The following DNAH17 variants were observed in gnomAD, a reference collection of about 807,000 sequenced individuals.
DNAH17 encodes axonemal beta dynein heavy chain 17.
DNAH17 carries 376 observed loss-of-function variants against 485.6 expected under a neutral mutation model. That is an observed-to-expected ratio of 0.77 (90% CI 0.71 to 0.84). DNAH17 has a LOEUF of 0.84. Ranked by LOEUF, DNAH17 falls within the 40% of genes least tolerant of loss-of-function variation. The probability of loss-of-function intolerance (pLI) is 0.00; values close to 1 mark genes in which losing one functional copy is unlikely to be tolerated. For synonymous variants in DNAH17, 3,031 were observed against 2,405.9 expected (o/e 1.26, Z -7.60); for missense variants, 6,370 against 5,839.3 (o/e 1.09, Z -2.96).
chr17:78,434,242 CAGGTATT>C, intron 74 of DNAH17, 22 bp from the exon 75 acceptor site: 1 of 1,590,750 alleles, frequency 6.3e-7, no homozygotes, highest in Non-Finnish European at 8.6e-7. Flanking sequence ...ACGCTCCGGT[CAGGTATT>C]AGGGAGAGGG....
Position 78,492,700 on chromosome 17 carries a change from G to T in DNAH17, c.6474C>A (p.Asp2158Glu). 3 of 1,613,384 alleles carry T rather than the reference G, an allele frequency of 1.9e-6. No individual in the cohort carries two copies. Among genetic ancestry groups the T allele is most frequent in the Non-Finnish European group, 2.5e-6 (3 of 1,179,726 alleles). Residue 2158 changes from aspartate to glutamate, a missense_variant, in exon 42 of 81, where the codon GAC becomes GAA. By Grantham distance (45) the Asp-to-Glu change is conservative (BLOSUM62 2). Coordinates refer to ENST00000389840, the MANE Select transcript of DNAH17 (RefSeq NM_173628.4). ...GCTCGTCGCAGGTGACGGCCTTGGGGTCCAGGTCCACGGCGACCGGCTTCC... is the reference window on the plus strand; with the variant it reads ...GCTCGTCGCAGGTGACGGCCTTGGGTTCCAGGTCCACGGCGACCGGCTTCC... ...LKRKPVAVDL[D>E]PKAVTCDELF...
chr17:78,437,801 C>T lies in DNAH17; in HGVS notation c.11873G>A (p.Ser3958Asn), dbSNP rs1396016092. 4.3e-6 allele frequency: 7 copies of T among 1,612,432 alleles called. No individual in the cohort carries two copies. The highest frequency in any genetic ancestry group is 1.1e-5 in the South Asian group (1 of 91,080). ...GATGAACACCCGGTAGTCCTCATGG[C>T]TGCCCGTGCTGTAGTGCTCCAGCTT... ...DKKLEHYSTGSHEDYRVFISA... is the reference protein window; with the variant it reads ...DKKLEHYSTGNHEDYRVFISA... The change falls in exon 74 of 81, where the codon AGC becomes AAC. Residue 3958 changes from serine to asparagine, a missense_variant. Coordinates refer to ENST00000389840, the MANE Select transcript of DNAH17 (RefSeq NM_173628.4).
Position 78,439,247 on chromosome 17 carries a change from C to G in DNAH17, c.11678-30G>C, listed in dbSNP as rs1483567778. 3 of 1,589,034 alleles carry G rather than the reference C, an allele frequency of 1.9e-6. No individual in the cohort carries two copies. The East Asian group carries it at 6.8e-5, about 36-fold the overall frequency. On this transcript the variant is annotated intron_variant, in intron 72 of 80. Transcript: ENST00000389840. ...AGAAAAGAAAAACAGGAAAAAAACA[C>G]CACGTAATTAAATGACACAGGTTCA...
chr17:78,539,169 G>A (rs1410317831), intron 18 of DNAH17, among the ~76,000 whole-genome samples: 1 of 152,152 alleles, frequency 6.6e-6, no homozygotes, highest in Non-Finnish European at 1.5e-5. Context: ...GGTGGAGTTT[G>A]CAGTGAGCTG....
chr17:78,549,155 G>A (rs897849376), intron 16 of DNAH17, among the ~76,000 whole-genome samples: 1 of 152,242 alleles, frequency 6.6e-6, no homozygotes, highest in African/African-American at 2.4e-5. Context: ...TAGCTCCTGT[G>A]TGGTTGTAAT....
intron 48 of DNAH17, among the ~76,000 whole-genome samples, chr17:78,481,744 G>T (rs563268392): frequency 1.2e-4 from 19 of 152,214 alleles, no homozygotes; most frequent in African/African-American, 4.6e-4. Context: ...GCCAGGCACA[G>T]TGGCTCATGC....
intron 75 of DNAH17, among the ~76,000 whole-genome samples, chr17:78,430,640 G>T (rs1382727356): frequency 1.3e-5 from 2 of 152,178 alleles, no homozygotes; most frequent in African/African-American, 4.8e-5. Context: ...GAGTGCAATG[G>T]TGCAGTCTCT....
At position 78,552,696 on chromosome 17, in the gene DNAH17, C is replaced by G. The variant is rs372493829; in HGVS notation, c.2287+1G>C. ...ATGTGGGAGGAATGTGGCCTCCGTA[C>G]CTTCGCCATTCCAGAATAATGTCGT... On this transcript the variant is annotated splice_donor_variant, in intron 15 of 80. Transcript: ENST00000389840. LOFTEE classifies it high-confidence loss of function. The G allele has an allele frequency of 6.2e-7, 1 of 1,612,060 alleles. No homozygotes were observed. The highest frequency in any genetic ancestry group is 1.3e-5 in the African/African-American group (1 of 74,874).
In DNAH17 at chr17:78,492,812, C is replaced by T. The variant is rs115013583; in HGVS notation, c.6409-47G>A. ...CACGTGTGACTCCATGTTCCTGGCA[C>T]ATCCTGCCCCACTAGCCTCAGGACC... On this transcript the variant is annotated intron_variant, in intron 41 of 80. Transcript: ENST00000389840. 0.013 allele frequency: 19,807 copies of T among 1,566,424 alleles called. 990 individuals carry two copies. In the Admixed American group the frequency reaches 0.13, roughly 11 times the overall value.
rs73380054 is a variant in DNAH17 at position 78,460,129 on chromosome 17, C to T, written c.9435+33G>A. The T allele has an allele frequency of 2.8e-3, 4,366 of 1,583,056 alleles. 99 individuals carry two copies. In the African/African-American group the frequency reaches 0.051, roughly 18 times the overall value. The stretch of plus-strand genomic sequence containing the variant: ...GAAGGCAGCTTCCTCTCCAACCAGG[C>T]CAGGGGTCCCCTTTCTTTCCCTCCC... On this transcript the variant is annotated intron_variant, in intron 59 of 80. Coordinates refer to ENST00000389840, the MANE Select transcript of DNAH17 (RefSeq NM_173628.4).
intron 48 of DNAH17, among the ~76,000 whole-genome samples, chr17:78,481,251 C>T (rs1468579907): frequency 2.0e-5 from 3 of 150,172 alleles, no homozygotes; most frequent in Admixed American, 6.7e-5. Flanking sequence ...TACAGGTGCC[C>T]GCCACCATGC....
At chr17:78,509,957 G>A (rs1029396556) in intron 27 of DNAH17, among the ~76,000 whole-genome samples, 9 of 152,170 alleles carry the variant, frequency 5.9e-5, no homozygotes, top group South Asian at 2.1e-4. Context: ...TGAGGCGAGC[G>A]GGTCAGTTGA....
At chr17:78,474,788 ACT>A (rs2088929713) in intron 54 of DNAH17, among the ~76,000 whole-genome samples, 2 of 129,940 alleles carry the variant, frequency 1.5e-5, no homozygotes, top group African/African-American at 6.5e-5. Flanking sequence ...AGGGTTTCAC[ACT>A]CTTCACCTCA....
chr17:78,541,540 C>T (rs1053273268), intron 17 of DNAH17, among the ~76,000 whole-genome samples: 9 of 151,880 alleles, frequency 5.9e-5, no homozygotes, highest in African/African-American at 1.2e-4. Context: ...ATAACTTCAG[C>T]ATAAGATAAA....
intron 36 of DNAH17, 83 bp downstream of exon 36, chr17:78,500,222 G>C (rs1296971862): frequency 7.0e-7 from 1 of 1,430,002 alleles, no homozygotes; most frequent in African/African-American, 1.4e-5. Context: ...GGAGTTTACT[G>C]TGGGGCCTCG....
rs1213084019 is a variant in DNAH17 at position 78,507,745 on chromosome 17, G to A, written c.4297C>T (p.Arg1433Trp). Residue 1433 changes from arginine to tryptophan, a missense_variant, in exon 28 of 81, where the codon CGG becomes TGG. Transcript: ENST00000389840. ...MMEFQHEPHP[R>W]TGTMMLKSSE... ...GACTTGAGCATCATGGTGCCTGTCC[G>A]CGGGTGCGGCTCGTGCTGGAATTCC... The A allele has an allele frequency of 3.7e-6, 6 of 1,600,764 alleles. No individual in the cohort carries two copies. Among genetic ancestry groups the A allele is most frequent in the African/African-American group, 1.3e-5 (1 of 74,890 alleles).
rs1180119403 is a variant in DNAH17, at chr17:78,530,922, C to CCCA, written c.3115-411_3115-410insTGG. On this transcript the variant is annotated intron_variant, in intron 20 of 80. Transcript: ENST00000389840. ...ACAGAATGTACCCCTGGGCATGGGTCACCCTTGCCCACGGGGCCCTCTTTC... is the reference window on the plus strand; with the variant it reads ...ACAGAATGTACCCCTGGGCATGGGTCCCAACCCTTGCCCACGGGGCCCTCTTTC... 7.9e-5 allele frequency among the ~76,000 whole-genome samples: 12 copies of CCCA among 152,326 alleles called. No homozygotes were observed. The East Asian group carries it at 2.3e-3, about 29-fold the overall frequency.
At chr17:78,568,881 C>T (rs917527071) in intron 9 of DNAH17, among the ~76,000 whole-genome samples, 5 of 152,288 alleles carry the variant, frequency 3.3e-5, no homozygotes, top group African/African-American at 7.2e-5. Context: ...GGCCCCCAGG[C>T]GTCCTGAACG....
At position 78,454,662 on chromosome 17, in the gene DNAH17, A is replaced by C; in HGVS notation, c.10214T>G (p.Leu3405Arg). The change falls in exon 64 of 81, where the codon CTG becomes CGG. Residue 3405 changes from leucine (L) to arginine (R), a missense_variant. Coordinates refer to ENST00000389840, the MANE Select transcript of DNAH17 (RefSeq NM_173628.4). Reference sequence around the variant, plus strand: ...GGTGGCCACGTCCGCGTCATCTGTCAGCAGGCTCAAGGGATCCAGGCCATT... The same window carrying C: ...GGTGGCCACGTCCGCGTCATCTGTCCGCAGGCTCAAGGGATCCAGGCCATT... ...ITNGLDPLSL[L>R]TDDADVATWN... 3 of 1,613,014 alleles carry C rather than the reference A, an allele frequency of 1.9e-6. No homozygotes were observed. The highest frequency in any genetic ancestry group is 2.5e-6 in the Non-Finnish European group (3 of 1,179,862).
Sources: gnomAD v4.1 joint callset for allele counts (sites outside exome capture counted in the v4.1 genomes callset) on GRCh38, gnomAD v4.1.1 for gene constraint, MANE v1.5 for transcripts, NCBI Gene and HGNC (gene_info 2026-07-23, HGNC 2026-07-21) for gene names.